The following CEP97 variants were observed in gnomAD, a reference collection of about 807,000 sequenced individuals.
CEP97 encodes the protein centrosomal protein 97.
CEP97 carries 43 observed loss-of-function variants against 73.1 expected under a neutral mutation model. The ratio of observed to expected loss-of-function variants is 0.59; its 90% confidence interval spans 0.46 to 0.76. The LOEUF is 0.76. Among genes scored for constraint, CEP97 ranks in the 30% least tolerant of loss-of-function variants. CEP97 has a pLI of 0.00. For synonymous variants in CEP97, 337 were observed against 370.0 expected (o/e 0.91, Z 1.02); for missense variants, 939 against 1,014.0 (o/e 0.93, Z 1.00).
intron 7 of CEP97, among the ~76,000 whole-genome samples, chr3:101,756,375 C>G (rs1243937523): frequency 7.2e-6 from 1 of 139,536 alleles, no homozygotes; most frequent in African/African-American, 2.7e-5. Context: ...CCCCTTTTTT[C>G]TTTTTTGAGG....
Position 101,758,119 on chromosome 3 carries a change from C to T in CEP97, c.1513C>T (p.Pro505Ser). The T allele has an allele frequency of 6.2e-7, 1 of 1,614,140 alleles. No individual in the cohort carries two copies. Among genetic ancestry groups the T allele is most frequent in the Non-Finnish European group, 8.5e-7 (1 of 1,180,034 alleles). Residue 505 changes from proline (P) to serine (S), a missense_variant, in exon 9 of 11, where the codon CCT becomes TCT. Transcript: ENST00000341893. ...TGATAACCACAGTCTTACATTTTTT[C>T]CTGAGTCAACTGAGCAGAAACAATC... Reference protein sequence around the residue: ...KDDNHSLTFFPESTEQKQSDI... With the variant: ...KDDNHSLTFFSESTEQKQSDI...
chr3:101,768,229 A>G lies in CEP97; in HGVS notation c.*2678A>G, dbSNP rs1279081648. On this transcript the variant is annotated 3_prime_UTR_variant, in exon 11 of 11. Transcript: ENST00000341893. ...TTTGTTTCAAAGATGAAACTAAAGC[A>G]CAGCATGTTAAATGACTTGTCTAAG... The G allele has an allele frequency of 6.6e-6, 1 of 152,262 alleles. No homozygotes were observed. The highest frequency in any genetic ancestry group is 2.1e-4 in the South Asian group (1 of 4,832). 9.4% of individuals were successfully genotyped at this position (152,262 alleles called of 1,614,324 possible).
intron 6 of CEP97, 103 bp downstream of exon 6, chr3:101,732,757 G>C: frequency 1.1e-6 from 1 of 951,272 alleles, no homozygotes; most frequent in Admixed American, 2.7e-5. Flanking sequence ...TAGATAACAA[G>C]AGTATTAGTG....
chr3:101,725,646 A>G (rs1323608463), intron 1 of CEP97, among the ~76,000 whole-genome samples: 1 of 152,158 alleles, frequency 6.6e-6, no homozygotes, highest in Non-Finnish European at 1.5e-5. Flanking sequence ...GACAACGGGA[A>G]AACGTTGAAA....
intron 6 of CEP97, among the ~76,000 whole-genome samples, chr3:101,752,179 TG>T (rs1369030361): frequency 6.6e-6 from 1 of 152,234 alleles, no homozygotes; most frequent in Non-Finnish European, 1.5e-5. Context: ...TATGAAATTC[TG>T]GGTTGAAATT....
intron 6 of CEP97, among the ~76,000 whole-genome samples, chr3:101,750,758 A>T (rs1027133210): frequency 1.3e-5 from 2 of 152,012 alleles, no homozygotes; most frequent in African/African-American, 4.8e-5. Context: ...CGGTGGTGAT[A>T]TCCCCTTTGT....
chr3:101,745,735 TTTTATTTA>T (rs990297743), intron 6 of CEP97, among the ~76,000 whole-genome samples: 16 of 151,902 alleles, frequency 1.1e-4, no homozygotes, highest in South Asian at 8.3e-4. Context: ...TTTTTTTGAA[TTTTATTTA>T]TTTATTTATT....
chr3:101,749,925 T>A (rs1938751835), intron 6 of CEP97, among the ~76,000 whole-genome samples: 1 of 150,592 alleles, frequency 6.6e-6, no homozygotes, highest in African/African-American at 2.5e-5. Context: ...GTTGTGAAAA[T>A]TTTCTCCCAT....
intron 6 of CEP97, among the ~76,000 whole-genome samples, chr3:101,747,957 T>TA (rs1218500452): frequency 1.6e-3 from 228 of 145,354 alleles, no homozygotes; most frequent in African/African-American, 4.6e-3. Flanking sequence ...TCCCCATCTC[T>TA]AAAAAAAAAA....
intron 6 of CEP97, among the ~76,000 whole-genome samples, chr3:101,751,188 A>G (rs1938804968): frequency 6.6e-6 from 1 of 152,188 alleles, no homozygotes; most frequent in Non-Finnish European, 1.5e-5. Flanking sequence ...GTCAATCTGG[A>G]GCAGGTTGTT....
chr3:101,760,699 G>A (rs1408667210), intron 9 of CEP97, among the ~76,000 whole-genome samples: 1 of 151,888 alleles, frequency 6.6e-6, no homozygotes, highest in Non-Finnish European at 1.5e-5. Context: ...GCACCACCAT[G>A]CCCAGCTAAT....
Position 101,765,227 on chromosome 3 carries a change from G to T in CEP97, c.2274G>T (p.Trp758Cys). ...LGDVSEEHGE[W>C]NKESSNNEQD... ...ATGTTAGTGAAGAACATGGTGAATGGAATAAGGAAAGCTCAAATAACGAGC... is the reference window on the plus strand; with the variant it reads ...ATGTTAGTGAAGAACATGGTGAATGTAATAAGGAAAGCTCAAATAACGAGC... The change falls in exon 11 of 11, where the codon TGG (tryptophan) becomes TGT (cysteine). Residue 758 changes from tryptophan (W) to cysteine (C), a missense_variant. By Grantham distance (215) the Trp-to-Cys change is radical (BLOSUM62 -2). Transcript: ENST00000341893. 1 of 1,614,190 alleles carries T rather than the reference G, an allele frequency of 6.2e-7. No homozygotes were observed. Among genetic ancestry groups the T allele is most frequent in the Non-Finnish European group, 8.5e-7 (1 of 1,180,026 alleles).
chr3:101,748,122 C>G (rs1318987661), intron 6 of CEP97, among the ~76,000 whole-genome samples: 1 of 94,602 alleles, frequency 1.1e-5, no homozygotes, highest in Non-Finnish European at 1.9e-5. Context: ...GCAGAGAGAC[C>G]TTGTCTCAAA....
intron 6 of CEP97, among the ~76,000 whole-genome samples, chr3:101,739,455 T>G (rs539948385): frequency 2.6e-5 from 4 of 152,014 alleles, no homozygotes; most frequent in Non-Finnish European, 5.9e-5. Context: ...CAGCAGCACA[T>G]CAAAAAGCTT....
chr3:101,747,417 G>A (rs1239177802), intron 6 of CEP97, among the ~76,000 whole-genome samples: 19 of 150,610 alleles, frequency 1.3e-4, no homozygotes, highest in African/African-American at 3.4e-4. Context: ...CTGCCACCAC[G>A]CCCGGCTAAT....
rs561405521 is a variant in CEP97, at chr3:101,748,116, A to G, written c.729-7314A>G. ...CATTGCACTCCAGCCTGGGTGGCAGAGAGACCTTGTCTCAAAAAAAAAAAA... is the reference window on the plus strand; with the variant it reads ...CATTGCACTCCAGCCTGGGTGGCAGGGAGACCTTGTCTCAAAAAAAAAAAA... On this transcript the variant is annotated intron_variant, in intron 6 of 10. Transcript: ENST00000341893. 4.0e-3 allele frequency among the ~76,000 whole-genome samples: 515 copies of G among 129,794 alleles called. 4 individuals are homozygous for G. Among genetic ancestry groups the G allele is most frequent in the African/African-American group, 0.014 (481 of 33,460 alleles). The allele number at this position is 129,794 out of a possible 152,430, so 85.1% of individuals were successfully genotyped here.
At chr3:101,732,744 AT>A in intron 6 of CEP97, 90 bp downstream of exon 6, 2 of 1,158,608 alleles carry the variant, frequency 1.7e-6, no homozygotes, top group Non-Finnish European at 2.4e-6. Context: ...TAAAATGTGC[AT>A]TTAGATAACA....
intron 6 of CEP97, among the ~76,000 whole-genome samples, chr3:101,747,698 A>ATTT (rs11445807): frequency 2.1e-5 from 3 of 143,140 alleles, no homozygotes. Flanking sequence ...CTGGTATTAC[A>ATTT]TTTTTTTTTT....
chr3:101,736,686 C>G (rs563563153), intron 6 of CEP97, among the ~76,000 whole-genome samples: 1 of 152,334 alleles, frequency 6.6e-6, no homozygotes, highest in Non-Finnish European at 1.5e-5. Flanking sequence ...GAAACCCCAT[C>G]TGAAGGTCAC....
Sources: allele counts gnomAD v4.1 joint callset (sites outside exome capture counted in the v4.1 genomes callset), GRCh38; gene constraint gnomAD v4.1.1; transcripts MANE v1.5; gene names NCBI Gene and HGNC (gene_info 2026-07-23, HGNC 2026-07-21).